ARFGAP1: variants seen among roughly 807,000 people sequenced by gnomAD.
ARFGAP1 encodes the protein ADP-ribosylation factor GTPase-activating protein 1.
In ARFGAP1, 26 loss-of-function variants were observed where a neutral mutation model predicts 54.0. The ratio of observed to expected loss-of-function variants is 0.48; its 90% CI spans 0.35 to 0.67. The LOEUF (loss-of-function observed/expected upper bound fraction) is 0.67. ARFGAP1 is among the 30% of genes least tolerant of loss of function. The pLI, the probability that ARFGAP1 is intolerant of heterozygous loss-of-function variation, is 0.00. For synonymous variants in ARFGAP1, 248 were observed against 211.9 expected (o/e 1.17, Z -1.48); for missense variants, 525 against 535.8 (o/e 0.98, Z 0.20).
At chr20:63,280,477 C>A (rs942836365) in intron 7 of ARFGAP1, among the ~76,000 whole-genome samples, 2 of 152,188 alleles carry the variant, frequency 1.3e-5, no homozygotes, top group African/African-American at 2.4e-5. Flanking sequence ...TTTTTAATAA[C>A]TAGCATGACA....
intron 9 of ARFGAP1, chr20:63,283,285 G>C (rs1601357479): frequency 4.4e-6 from 1 of 224,774 alleles, no homozygotes; most frequent in East Asian, 1.1e-4. Context: ...GCTTCCCCCA[G>C]TCGGGGCAGT....
intron 5 of ARFGAP1, among the ~76,000 whole-genome samples, chr20:63,277,704 C>T (rs562723177): frequency 1.1e-4 from 16 of 152,196 alleles, no homozygotes; most frequent in African/African-American, 3.4e-4. Context: ...ACTGCAGGAA[C>T]GTCCCGGGTG....
At position 63,287,957 on chromosome 20, in the gene ARFGAP1, A is replaced by T. The variant is rs1046813661; in HGVS notation, c.*84A>T. The stretch of plus-strand genomic sequence containing the variant: ...TCGTCGTTCCTCCTCCTTCCATTTG[A>T]CCCAAGAATCAGCAACTGCAGTGTG... On this transcript the variant is annotated 3_prime_UTR_variant, in exon 13 of 13. Coordinates refer to ENST00000370283, the MANE Select transcript of ARFGAP1 (RefSeq NM_018209.4). The T allele has an allele frequency of 2.1e-6, 3 of 1,399,918 alleles. No individual in the cohort carries two copies. Among genetic ancestry groups the T allele is most frequent in the Admixed American group, 5.4e-5 (2 of 37,086 alleles). The allele number at this position is 1,399,918 out of a possible 1,614,324, so 86.7% of individuals were successfully genotyped here.
chr20:63,278,341 G>A (rs1311489266), intron 6 of ARFGAP1, 138 bp downstream of exon 6: 3 of 820,080 alleles, frequency 3.7e-6, no homozygotes, highest in Non-Finnish European at 5.9e-6. Flanking sequence ...GGGTCTGATT[G>A]CAGTGAGTCC....
intron 9 of ARFGAP1, chr20:63,284,617 A>C: frequency 7.4e-7 from 1 of 1,355,838 alleles, no homozygotes; most frequent in Non-Finnish European, 9.6e-7. Context: ...CGCGTGAGGG[A>C]GGACCCTGGA....
Position 63,281,330 on chromosome 20 carries a change from T to A in ARFGAP1, c.667T>A (p.Ser223Thr). 6.2e-7 allele frequency: 1 copy of A among 1,600,266 alleles called. No homozygotes were observed. ...CACCACTGGAGCCAGCCGGTTTGCC[T>A]CGGCAGCCAAGGAGGGCGTAAGTCA... ...SFTTGASRFA[S>T]AAKEGATKFG... Residue 223 changes from serine to threonine, a missense_variant, in exon 8 of 13, where the codon TCG becomes ACG. Coordinates refer to ENST00000370283, the MANE Select transcript of ARFGAP1 (RefSeq NM_018209.4).
intron 6 of ARFGAP1, among the ~76,000 whole-genome samples, 173 bp from the exon 7 acceptor site, chr20:63,278,726 T>C (rs1387501057): frequency 7.2e-6 from 1 of 139,258 alleles, no homozygotes; most frequent in African/African-American, 2.5e-5. Context: ...TCTTTTTAAA[T>C]GATCAGAAAG....
chr20:63,275,165 G>A (rs114095991), intron 1 of ARFGAP1, among the ~76,000 whole-genome samples: 2 of 152,362 alleles, frequency 1.3e-5, no homozygotes, highest in Non-Finnish European at 2.9e-5. Context: ...ATCAGCCCAA[G>A]TGTGGTGTGT....
chr20:63,279,238 G>T (rs554241137), intron 7 of ARFGAP1: 1 of 579,904 alleles, frequency 1.7e-6, no homozygotes. Context: ...TTGCTTTGTC[G>T]CCCAGGCTGC....
chr20:63,284,573 C>G (rs951425593), intron 9 of ARFGAP1: 116 of 1,287,324 alleles, frequency 9.0e-5, no homozygotes, highest in Middle Eastern at 2.1e-4. Context: ...AGGGCCTGTT[C>G]CCACCAGCCC....
At chr20:63,275,664 C>A in intron 2 of ARFGAP1, 24 bp downstream of exon 2, 2 of 1,608,946 alleles carry the variant, frequency 1.2e-6, no homozygotes, top group South Asian at 2.2e-5. Context: ...CCCCACCCCC[C>A]GCCCTAAGGC....
In ARFGAP1 at chr20:63,284,914, C is replaced by T; in HGVS notation, c.766C>T (p.Gln256Ter). ...GAACGAGAACGTCCTCAAGCCTGCG[C>T]AGGAGAAGGTAACGGGCAGCTCCGG... The part of the protein sequence containing the change: ...SLNENVLKPA[Q>*]EKVKEGKIFD... Residue 256 changes from glutamine (Q) to a stop codon, truncating the protein, a stop_gained, in exon 10 of 13, where the codon CAG (glutamine) becomes TAG (stop). Transcript: ENST00000370283. LOFTEE classifies it high-confidence loss of function. The T allele has an allele frequency of 6.2e-7, 1 of 1,613,356 alleles. No homozygotes were observed. Among genetic ancestry groups the T allele is most frequent in the South Asian group, 1.1e-5 (1 of 91,086 alleles).
chr20:63,288,916 G>C lies in ARFGAP1; in HGVS notation c.*1043G>C. On this transcript the variant is annotated 3_prime_UTR_variant, in exon 13 of 13. Coordinates refer to ENST00000370283, the MANE Select transcript of ARFGAP1 (RefSeq NM_018209.4). ...TTGTACGTGAGGTGCTCTCCTCCCT[G>C]CCACCATGCTCATCACTCTGGCCTT... 1 of 239,778 alleles carries C rather than the reference G, an allele frequency of 4.2e-6. No homozygotes were observed. Among genetic ancestry groups the C allele is most frequent in the Non-Finnish European group, 8.5e-6 (1 of 117,680 alleles). The allele number at this position is 239,778 out of a possible 1,614,324, so 14.9% of individuals were successfully genotyped here.
chr20:63,279,197 T>TC, intron 7 of ARFGAP1: 1 of 661,086 alleles, frequency 1.5e-6, no homozygotes. Flanking sequence ...TTCAATCACT[T>TC]CCTTTTTTTT....
rs965447295 is a variant in ARFGAP1 at position 63,285,498 on chromosome 20, T to C, written c.775-156T>C. ...ATGGTTTCTTGATGCTGGAATCCCT[T>C]TGGGGCCACTGTAGAACTTTCTGGG... is the stretch of plus-strand genomic sequence containing the variant. On this transcript the variant is annotated intron_variant, in intron 10 of 12. Coordinates refer to ENST00000370283, the MANE Select transcript of ARFGAP1 (RefSeq NM_018209.4). The C allele has an allele frequency of 3.6e-5, 27 of 748,648 alleles. 1 individual carries two copies. Among genetic ancestry groups the C allele is most frequent in the African/African-American group, 3.5e-4 (20 of 57,116 alleles). The allele number at this position is 748,648 out of a possible 1,614,324, so 46.4% of individuals were successfully genotyped here. A position where few individuals can be genotyped will look rare whatever the true frequency, so the allele number is the denominator to read the frequency against.
At chr20:63,275,728 G>T in intron 2 of ARFGAP1, 88 bp downstream of exon 2, 3 of 1,310,942 alleles carry the variant, frequency 2.3e-6, no homozygotes, top group Admixed American at 1.8e-5. Context: ...GTAGTTCTGG[G>T]ACCCTCCTGC....
Position 63,288,028 on chromosome 20 carries a change from C to T in ARFGAP1, c.*155C>T, listed in dbSNP as rs1269873973. The T allele has an allele frequency of 9.9e-6, 9 of 907,238 alleles. No individual in the cohort carries two copies. Among genetic ancestry groups the T allele is most frequent in the Non-Finnish European group, 1.3e-5 (8 of 617,280 alleles). The allele number at this position is 907,238 out of a possible 1,614,324, so 56.2% of individuals were successfully genotyped here. On this transcript the variant is annotated 3_prime_UTR_variant, in exon 13 of 13. Coordinates refer to ENST00000370283, the MANE Select transcript of ARFGAP1 (RefSeq NM_018209.4). Reference sequence around the variant, plus strand: ...AGGACCCTAGGGAGACCCGGGTGTGCGCCGCCTGCGCGTGGGGAGTCTTCG... The same window carrying T: ...AGGACCCTAGGGAGACCCGGGTGTGTGCCGCCTGCGCGTGGGGAGTCTTCG...
chr20:63,286,160 C>G (rs551715478), intron 11 of ARFGAP1: 2 of 1,550,138 alleles, frequency 1.3e-6, no homozygotes, highest in Admixed American at 2.0e-5. Context: ...AGGCTGTCCT[C>G]GCTGCCATGT....
chr20:63,281,275 T>C lies in ARFGAP1; in HGVS notation c.628-16T>C, dbSNP rs1452385497. ...GTCCCAGTCCTGATGTGGCTGCTCT[T>C]TGTCGCCTCCCTCAGGGCTGGAGCA... On this transcript the variant is annotated splice_polypyrimidine_tract_variant and intron_variant, in intron 7 of 12. Coordinates refer to ENST00000370283, the MANE Select transcript of ARFGAP1 (RefSeq NM_018209.4). 1 of 1,593,862 alleles carries C rather than the reference T, an allele frequency of 6.3e-7. No homozygotes were observed. The highest frequency in any genetic ancestry group is 2.2e-5 in the East Asian group (1 of 44,446).
Sources: allele counts gnomAD v4.1 joint callset (sites outside exome capture counted in the v4.1 genomes callset), GRCh38; gene constraint gnomAD v4.1.1; transcripts MANE v1.5; gene names NCBI Gene and HGNC (gene_info 2026-07-23, HGNC 2026-07-21).